Variants in POFUT3 observed in about 807,000 individuals in gnomAD.
The protein encoded by POFUT3 is GDP-fucose protein O-fucosyltransferase 3.
the POFUT3 span, among the ~76,000 whole-genome samples, chr8:33,323,344 A>G: frequency 2.6e-5 from 4 of 152,198 alleles, no homozygotes; most frequent in African/African-American, 7.2e-5. Context: ...CCTCCACAGG[A>G]ATGACAGTGC....
the POFUT3 span, among the ~76,000 whole-genome samples, chr8:33,471,604 C>A: frequency 6.6e-6 from 1 of 152,166 alleles, no homozygotes; most frequent in African/African-American, 2.4e-5. Context: ...TATCTGCCTA[C>A]TGAACAACAT....
chr8:33,404,133 T>C, the POFUT3 span, among the ~76,000 whole-genome samples: 1 of 151,350 alleles, frequency 6.6e-6, no homozygotes. Context: ...AGGTCAGGAG[T>C]TTGAGACCAG....
At chr8:33,344,515 T>C in the POFUT3 span, among the ~76,000 whole-genome samples, 3 of 152,252 alleles carry the variant, frequency 2.0e-5, no homozygotes, top group African/African-American at 4.8e-5. Context: ...AAGCTCTCCA[T>C]GGCCTTTTCT....
the POFUT3 span, chr8:33,388,762 TGAAG>T: frequency 1.7e-6 from 1 of 586,540 alleles, no homozygotes. Flanking sequence ...CTTTCAGGAA[TGAAG>T]GCCTGTCCAG....
At chr8:33,390,203 C>CAT in the POFUT3 span, among the ~76,000 whole-genome samples, 2 of 145,892 alleles carry the variant, frequency 1.4e-5, no homozygotes, top group African/African-American at 5.5e-5. Flanking sequence ...GTGTGTGTGT[C>CAT]ATACACACAC....
the POFUT3 span, chr8:33,372,411 G>A: frequency 7.1e-7 from 1 of 1,407,950 alleles, no homozygotes. Context: ...ACCCCTAAGG[G>A]TAATTTACAT....
the POFUT3 span, among the ~76,000 whole-genome samples, chr8:33,316,338 G>T: frequency 6.6e-6 from 1 of 152,044 alleles, no homozygotes; most frequent in Non-Finnish European, 1.5e-5. Flanking sequence ...TGGTTACTAA[G>T]GGGTAACATC....
At chr8:33,472,994 T>TCTCAG in the POFUT3 span, 2 of 152,500 alleles carry the variant, frequency 1.3e-5, no homozygotes, top group Non-Finnish European at 2.9e-5. Context: ...TCTTTCCGTG[T>TCTCAG]CTCAGCATCA....
the POFUT3 span, among the ~76,000 whole-genome samples, chr8:33,312,478 A>G: frequency 2.0e-5 from 3 of 151,900 alleles, no homozygotes; most frequent in African/African-American, 7.2e-5. Context: ...CACCTTCCAC[A>G]TCCCCCCTCT....
chr8:33,314,108 C>T, the POFUT3 span, among the ~76,000 whole-genome samples: 6 of 152,152 alleles, frequency 3.9e-5, no homozygotes, highest in Admixed American at 1.3e-4. Context: ...GAGTTATCAT[C>T]GGCCTATTTT....
At chr8:33,332,837 C>T in the POFUT3 span, among the ~76,000 whole-genome samples, 1 of 152,154 alleles carries the variant, frequency 6.6e-6, no homozygotes, top group Non-Finnish European at 1.5e-5. Context: ...TTACAACTCC[C>T]CCATTTTCCA....
the POFUT3 span, among the ~76,000 whole-genome samples, chr8:33,367,487 T>G: frequency 0.072 from 10,991 of 151,716 alleles, 985 homozygotes; most frequent in African/African-American, 0.22. Flanking sequence ...TAAATCTCTG[T>G]TTGGGGCTCT....
the POFUT3 span, among the ~76,000 whole-genome samples, chr8:33,387,797 C>CG: frequency 1.3e-5 from 2 of 151,694 alleles, no homozygotes; most frequent in Admixed American, 6.6e-5. Flanking sequence ...GAGTGAGACT[C>CG]GGTCTCAAAA....
At chr8:33,468,451 T>C in the POFUT3 span, among the ~76,000 whole-genome samples, 1 of 151,906 alleles carries the variant, frequency 6.6e-6, no homozygotes, top group African/African-American at 2.4e-5. Flanking sequence ...AAGAAATGTA[T>C]CTAATTATCA....
At chr8:33,423,640 G>A in the POFUT3 span, among the ~76,000 whole-genome samples, 1 of 151,924 alleles carries the variant, frequency 6.6e-6, no homozygotes. Flanking sequence ...CTGAGTTATT[G>A]TTGACAATCA....
At chr8:33,465,587 C>T in the POFUT3 span, among the ~76,000 whole-genome samples, 1,459 of 152,162 alleles carry the variant, frequency 9.6e-3, 9 homozygotes, top group Non-Finnish European at 0.015. Context: ...CTCATCCTCC[C>T]GGGTAGCTGG....
At chr8:33,442,712 G>C in the POFUT3 span, among the ~76,000 whole-genome samples, 12 of 150,308 alleles carry the variant, frequency 8.0e-5, no homozygotes, top group African/African-American at 2.9e-4. Context: ...TGCCCGCCTT[G>C]GCCTCCTAAA....
At chr8:33,374,315 T>C in the POFUT3 span, among the ~76,000 whole-genome samples, 2 of 152,222 alleles carry the variant, frequency 1.3e-5, no homozygotes, top group Non-Finnish European at 2.9e-5. Flanking sequence ...TTTACCTCTG[T>C]GGTATTATTC....
At chr8:33,385,207 C>A in the POFUT3 span, among the ~76,000 whole-genome samples, 1 of 152,192 alleles carries the variant, frequency 6.6e-6, no homozygotes, top group Non-Finnish European at 1.5e-5. Context: ...CTCATCCCTG[C>A]AACCCTAGGC....
Sources: gnomAD v4.1 joint callset for allele counts (sites outside exome capture counted in the v4.1 genomes callset) on GRCh38, gnomAD v4.1.1 for gene constraint, MANE v1.5 for transcripts, NCBI Gene and HGNC (gene_info 2026-07-23, HGNC 2026-07-21) for gene names.